The following SRBD1 variants were observed in gnomAD, a reference collection of about 807,000 sequenced individuals.
SRBD1 encodes the protein S1 RNA-binding domain-containing protein 1.
A neutral mutation model predicts 115.3 loss-of-function variants in SRBD1; 88 were observed. That is an observed-to-expected ratio of 0.76 (90% CI 0.64 to 0.91). The LOEUF (loss-of-function observed/expected upper bound fraction) is 0.91. SRBD1 is among the 40% of genes least tolerant of loss of function. SRBD1 has a pLI of 0.00. For synonymous variants in SRBD1, 509 were observed against 407.7 expected (o/e 1.25, Z -2.99); for missense variants, 1,385 against 1,177.4 (o/e 1.18, Z -2.58).
intron 19 of SRBD1, 129 bp downstream of exon 19, chr2:45,412,985 G>A: frequency 9.5e-7 from 1 of 1,056,192 alleles, no homozygotes; most frequent in Non-Finnish European, 1.4e-6. Context: ...CAGCAATGCA[G>A]AACTTCTGAA....
chr2:45,599,725 T>A lies in SRBD1; in HGVS notation c.372A>T (p.Pro124=), dbSNP rs755556475. The change falls in exon 4 of 21, where the codon CCA becomes CCT. Residue 124 remains proline, a synonymous_variant. Transcript: ENST00000263736. ...AKTKQKCAAQ[P]HTVRRTKKLK... is the part of the protein sequence containing the mutation. ...GCTTTTTAGTCCTTCGAACTGTATGTGGCTGCGCTGCACATTTCTGTTTTG... is the reference window on the plus strand; with the variant it reads ...GCTTTTTAGTCCTTCGAACTGTATGAGGCTGCGCTGCACATTTCTGTTTTG... 5 of 1,614,130 alleles carry A rather than the reference T, an allele frequency of 3.1e-6. No homozygotes were observed. Among genetic ancestry groups the A allele is most frequent in the Non-Finnish European group, 4.2e-6 (5 of 1,180,054 alleles).
intron 19 of SRBD1, among the ~76,000 whole-genome samples, chr2:45,399,207 G>C (rs1667228006): frequency 6.6e-6 from 1 of 152,046 alleles, no homozygotes; most frequent in African/African-American, 2.4e-5. Context: ...GCTCTTCAAA[G>C]GAATGTGACA....
At chr2:45,414,632 ATATAGT>A (rs1667721501) in intron 18 of SRBD1, among the ~76,000 whole-genome samples, 1 of 128,266 alleles carries the variant, frequency 7.8e-6, no homozygotes, top group Non-Finnish European at 1.9e-5. Flanking sequence ...CATAGTGTGT[ATATAGT>A]GTGTATATAG....
At chr2:45,574,815 C>T in intron 7 of SRBD1, 92 bp from the exon 8 acceptor site, 1 of 1,086,858 alleles carries the variant, frequency 9.2e-7, no homozygotes, top group African/African-American at 1.6e-5. Context: ...TAATTCCAGT[C>T]AAAATAAAAC....
chr2:45,430,445 T>C (rs976395363), intron 16 of SRBD1, among the ~76,000 whole-genome samples: 1 of 151,910 alleles, frequency 6.6e-6, no homozygotes, highest in Non-Finnish European at 1.5e-5. Context: ...CCAAAACAAA[T>C]ATATAGACCA....
At chr2:45,531,442 C>T (rs1313651629) in intron 14 of SRBD1, among the ~76,000 whole-genome samples, 4 of 151,718 alleles carry the variant, frequency 2.6e-5, no homozygotes, top group Admixed American at 6.6e-5. Context: ...AAGGTTACAT[C>T]AGTAAACTGA....
intron 14 of SRBD1, among the ~76,000 whole-genome samples, chr2:45,517,598 C>T (rs1403223108): frequency 1.3e-5 from 2 of 152,208 alleles, no homozygotes; most frequent in African/African-American, 4.8e-5. Flanking sequence ...ACTCTCAACT[C>T]AGTCTCTGAA....
intron 16 of SRBD1, among the ~76,000 whole-genome samples, chr2:45,433,375 G>A (rs1050315667): frequency 6.6e-6 from 1 of 151,958 alleles, no homozygotes; most frequent in Non-Finnish European, 1.5e-5. Flanking sequence ...ACGTCATGCT[G>A]TATGTGACAA....
At chr2:45,495,672 C>T (rs1220453359) in intron 14 of SRBD1, among the ~76,000 whole-genome samples, 1 of 152,042 alleles carries the variant, frequency 6.6e-6, no homozygotes, top group Non-Finnish European at 1.5e-5. Flanking sequence ...AAGTGGCATT[C>T]GACTAGGCAA....
chr2:45,413,627 T>C (rs1027988613), intron 18 of SRBD1, among the ~76,000 whole-genome samples: 2 of 152,106 alleles, frequency 1.3e-5, no homozygotes, highest in South Asian at 2.1e-4. Context: ...ACAGGATGAA[T>C]AGAAAAAGAC....
chr2:45,546,503 G>T, intron 14 of SRBD1: 1 of 383,246 alleles, frequency 2.6e-6, no homozygotes, highest in Non-Finnish European at 3.6e-6. Flanking sequence ...CTAACGTGCT[G>T]CTTCTGTAAG....
chr2:45,389,398 A>G lies in SRBD1; in HGVS notation c.2900T>C (p.Leu967Pro). The change falls in exon 21 of 21, where the codon CTG (leucine) becomes CCG (proline). Residue 967 changes from leucine to proline, a missense_variant. Transcript: ENST00000263736. ...SKTKKRRSLGLGPGERVEVQV... is the reference protein window; with the variant it reads ...SKTKKRRSLGPGPGERVEVQV... ...GACTTCCACTCTTTCTCCGGGGCCC[A>G]GTCCAAGGCTTCTTCTCTTCTTTGT... 6.2e-7 allele frequency: 1 copy of G among 1,614,092 alleles called. No individual in the cohort carries two copies. The highest frequency in any genetic ancestry group is 8.5e-7 in the Non-Finnish European group (1 of 1,179,968).
At chr2:45,454,585 C>T (rs887571755) in intron 16 of SRBD1, among the ~76,000 whole-genome samples, 2 of 151,706 alleles carry the variant, frequency 1.3e-5, no homozygotes, top group Admixed American at 6.6e-5. Context: ...CCACTTTTAC[C>T]ACACTTTAGG....
chr2:45,401,337 G>C (rs189122146), intron 19 of SRBD1, among the ~76,000 whole-genome samples: 3 of 152,194 alleles, frequency 2.0e-5, no homozygotes, highest in African/African-American at 7.2e-5. Flanking sequence ...TATATTTTAG[G>C]TTTGGCCTCT....
At chr2:45,560,534 A>G (rs17033877) in intron 10 of SRBD1, among the ~76,000 whole-genome samples, 13,488 of 152,222 alleles carry the variant, frequency 0.089, 1,076 homozygotes, top group African/African-American at 0.21. Context: ...TCAAATCTAC[A>G]AGTAAAGTAT....
At position 45,502,833 on chromosome 2, in the gene SRBD1, T is replaced by TA. The variant is rs536207734; in HGVS notation, c.1875-14503dup. Among the ~76,000 whole-genome samples, 911 of 146,054 alleles carry TA rather than the reference T, an allele frequency of 6.2e-3. 19 individuals are homozygous for TA. The highest frequency in any genetic ancestry group is 0.042 in the Admixed American group (623 of 14,698). ...CCCTAGAACTTAAAGTATAATAAAT[T>TA]AAAAAAAAAAAGATATCACTCTGTC... On this transcript the variant is annotated intron_variant, in intron 14 of 20. Transcript: ENST00000263736.
chr2:45,466,599 T>C (rs1396620734), intron 16 of SRBD1, among the ~76,000 whole-genome samples: 1 of 152,234 alleles, frequency 6.6e-6, no homozygotes, highest in Non-Finnish European at 1.5e-5. Flanking sequence ...ATCAATATTT[T>C]AAATGAGTAC....
chr2:45,554,883 C>T (rs1023118050), intron 10 of SRBD1, among the ~76,000 whole-genome samples: 13 of 152,118 alleles, frequency 8.5e-5, no homozygotes, highest in Non-Finnish European at 1.9e-4. Context: ...ACAACCTGAA[C>T]ATTATGAAAT....
chr2:45,585,609 G>A lies in SRBD1; in HGVS notation c.814C>T (p.Arg272Trp), dbSNP rs371674215. The A allele has an allele frequency of 1.2e-4, 193 of 1,605,448 alleles. No individual in the cohort carries two copies. In the South Asian group the frequency reaches 1.3e-3, roughly 11 times the overall value. The change falls in exon 5 of 21, where the codon CGG (arginine) becomes TGG (tryptophan). Residue 272 changes from arginine to tryptophan, a missense_variant and splice_region_variant. Coordinates refer to ENST00000263736, the MANE Select transcript of SRBD1 (RefSeq NM_018079.5). ...CTTATTCTTTTTTAGGTTTCTTACCGTAGCTCTTCTAGGGTTTGCTGAACT... is the reference window on the plus strand; with the variant it reads ...CTTATTCTTTTTTAGGTTTCTTACCATAGCTCTTCTAGGGTTTGCTGAACT... ...REVQQTLEEL[R>W]AVAKKVHSTI...
Sources: gnomAD v4.1 joint callset for allele counts (sites outside exome capture counted in the v4.1 genomes callset) on GRCh38, gnomAD v4.1.1 for gene constraint, MANE v1.5 for transcripts, NCBI Gene and HGNC (gene_info 2026-07-23, HGNC 2026-07-21) for gene names.